SACM1L: variants seen among roughly 807,000 people sequenced by gnomAD.
The protein encoded by SACM1L is SAC1 like phosphatidylinositide phosphatase.
A neutral mutation model predicts 89.5 loss-of-function variants in SACM1L; 32 were observed. The observed-to-expected ratio is 0.36, with a 90% CI of 0.27 to 0.48. The LOEUF is 0.48. SACM1L is among the 20% of genes least tolerant of loss of function. The pLI is 0.99. For missense variants in SACM1L, 543 were observed against 708.5 expected (o/e 0.77, Z 2.65); for synonymous variants, 213 against 232.8 (o/e 0.92, Z 0.77).
At chr3:45,730,671 G>A (rs1699031795) in intron 11 of SACM1L, 3 of 152,248 alleles carry the variant, frequency 2.0e-5, no homozygotes, top group Non-Finnish European at 4.4e-5. Flanking sequence ...GCCTGGTTAT[G>A]TGGGTGGCCT....
intron 8 of SACM1L, among the ~76,000 whole-genome samples, chr3:45,721,789 T>C (rs939015292): frequency 2.0e-5 from 3 of 152,192 alleles, no homozygotes; most frequent in Non-Finnish European, 2.9e-5. Context: ...AATAGGTTTT[T>C]AATACTCCTC....
Position 45,743,982 on chromosome 3 carries a change from A to C in SACM1L, c.*313A>C, listed in dbSNP as rs895455943. The stretch of plus-strand genomic sequence containing the variant: ...GATTGTCAATTTAATTAGCTGTTGC[A>C]GAATAAGTAATATATTTTAAAAACC... On this transcript the variant is annotated 3_prime_UTR_variant, in exon 20 of 20. Transcript: ENST00000389061. 3.0e-5 allele frequency: 6 copies of C among 200,352 alleles called. No homozygotes were observed. The highest frequency in any genetic ancestry group is 3.9e-3 in the Middle Eastern group (2 of 514). 12.4% of individuals were successfully genotyped at this position (200,352 alleles called of 1,614,324 possible).
chr3:45,710,737 G>T (rs6800556), intron 5 of SACM1L, among the ~76,000 whole-genome samples: 72,634 of 151,754 alleles, frequency 0.48, 17,946 homozygotes, highest in Middle Eastern at 0.57. Context: ...AATAAAAATG[G>T]TTATTTCATG....
intron 5 of SACM1L, 84 bp from the exon 6 acceptor site, chr3:45,713,053 A>G: frequency 9.0e-7 from 1 of 1,112,374 alleles, no homozygotes; most frequent in South Asian, 1.4e-5. Context: ...GCCATCAGAA[A>G]GAGACATTGA....
chr3:45,697,338 G>A (rs1364499476), intron 1 of SACM1L, among the ~76,000 whole-genome samples: 1 of 141,848 alleles, frequency 7.0e-6, no homozygotes, highest in African/African-American at 2.6e-5. Context: ...GTGTAGTGGT[G>A]CGATCTTGGC....
rs900239778 is a variant in SACM1L at position 45,737,442 on chromosome 3, C to T, written c.1240-141C>T. ...AGGAGAGGGCTGCTGTGAGCTGGGG[C>T]CCCCTATAGACAACAGACATTTCTG... On this transcript the variant is annotated intron_variant, in intron 14 of 19. Transcript: ENST00000389061. 8 of 825,586 alleles carry T rather than the reference C, an allele frequency of 9.7e-6. No homozygotes were observed. In the Admixed American group the frequency reaches 1.7e-4, roughly 18 times the overall value. The allele number at this position is 825,586 out of a possible 1,614,324, so 51.1% of individuals were successfully genotyped here. A position where few individuals can be genotyped will look rare whatever the true frequency, so the allele number is the denominator to read the frequency against.
chr3:45,692,460 A>G (rs1465849847), intron 1 of SACM1L, among the ~76,000 whole-genome samples: 1 of 152,086 alleles, frequency 6.6e-6, no homozygotes, highest in African/African-American at 2.4e-5. Context: ...AGCATCTGGG[A>G]CTACAGGTGC....
chr3:45,721,505 A>C (rs1698786222), intron 8 of SACM1L, among the ~76,000 whole-genome samples: 1 of 152,254 alleles, frequency 6.6e-6, no homozygotes, highest in South Asian at 2.1e-4. Context: ...CTGGGCAACA[A>C]GAGCGAAACT....
intron 1 of SACM1L, among the ~76,000 whole-genome samples, chr3:45,693,384 C>A (rs1028480898): frequency 6.6e-6 from 1 of 152,180 alleles, no homozygotes; most frequent in African/African-American, 2.4e-5. Flanking sequence ...AAGGAACTTT[C>A]CAGTATAGAC....
chr3:45,702,614 A>C (rs1698300700), intron 1 of SACM1L, among the ~76,000 whole-genome samples: 1 of 152,210 alleles, frequency 6.6e-6, no homozygotes, highest in Non-Finnish European at 1.5e-5. Context: ...AGTGCCTGCA[A>C]ATGAAAACGC....
At chr3:45,699,284 A>T (rs13059986) in intron 1 of SACM1L, among the ~76,000 whole-genome samples, 14,125 of 151,252 alleles carry the variant, frequency 0.093, 817 homozygotes, top group East Asian at 0.14. Context: ...AAGTATAATT[A>T]AAATAAATAA....
At position 45,745,216 on chromosome 3, in the gene SACM1L, T is replaced by G; in HGVS notation, c.*1547T>G. The G allele has an allele frequency of 6.6e-6, 1 of 152,664 alleles. No individual in the cohort carries two copies. The highest frequency in any genetic ancestry group is 1.5e-5 in the Non-Finnish European group (1 of 68,040). The allele number at this position is 152,664 out of a possible 1,614,324, so 9.5% of individuals were successfully genotyped here. A position where few individuals can be genotyped will look rare whatever the true frequency, so the allele number is the denominator to read the frequency against. On this transcript the variant is annotated 3_prime_UTR_variant, in exon 20 of 20. Coordinates refer to ENST00000389061, the MANE Select transcript of SACM1L (RefSeq NM_014016.5). ...ATTTAAATGCTGCTGGGCATTTCACTTAAAGAACTTAATGTCAACAGCTAC... is the reference window on the plus strand; with the variant it reads ...ATTTAAATGCTGCTGGGCATTTCACGTAAAGAACTTAATGTCAACAGCTAC...
In SACM1L at chr3:45,702,256, T is replaced by C. The variant is rs367607631; in HGVS notation, c.33-1182T>C. 2.8e-4 allele frequency among the ~76,000 whole-genome samples: 42 copies of C among 152,318 alleles called. 5 individuals carry two copies. The highest frequency in any genetic ancestry group is 2.0e-3 in the Admixed American group (31 of 15,300). ...AAAAGTTTGTTTTGCTGCAGGACATTTTTCTATAATGCCAAATAGCTTATA... is the reference window on the plus strand; with the variant it reads ...AAAAGTTTGTTTTGCTGCAGGACATCTTTCTATAATGCCAAATAGCTTATA... On this transcript the variant is annotated intron_variant, in intron 1 of 19. Transcript: ENST00000389061.
At chr3:45,731,701 C>A (rs965385144) in intron 12 of SACM1L, among the ~76,000 whole-genome samples, 1 of 152,122 alleles carries the variant, frequency 6.6e-6, no homozygotes, top group South Asian at 2.1e-4. Flanking sequence ...GCAGTGCATA[C>A]CTGATTGCTG....
intron 5 of SACM1L, 138 bp downstream of exon 5, chr3:45,709,785 T>G: frequency 1.4e-6 from 1 of 720,092 alleles, no homozygotes. Flanking sequence ...AAATATACCC[T>G]GTTTTAAATA....
intron 13 of SACM1L, among the ~76,000 whole-genome samples, chr3:45,733,180 C>A (rs997832471): frequency 1.3e-5 from 2 of 152,120 alleles, no homozygotes; most frequent in African/African-American, 4.8e-5. Context: ...AGTTTGTGTT[C>A]GTTGCTGTTC....
chr3:45,705,720 T>A (rs1435040790), intron 3 of SACM1L, among the ~76,000 whole-genome samples: 1 of 152,072 alleles, frequency 6.6e-6, no homozygotes, highest in Non-Finnish European at 1.5e-5. Flanking sequence ...GTCAGGCTGG[T>A]CTTGAACTCC....
intron 12 of SACM1L, 123 bp downstream of exon 12, chr3:45,731,503 A>G: frequency 2.0e-6 from 1 of 512,430 alleles, no homozygotes. Context: ...AGTAGATCAA[A>G]GCATGATATT....
intron 7 of SACM1L, among the ~76,000 whole-genome samples, chr3:45,717,519 C>G (rs115736854): frequency 6.6e-6 from 1 of 152,166 alleles, no homozygotes; most frequent in South Asian, 2.1e-4. Context: ...TAAATAGATT[C>G]AGGGTTTTGG....
Sources: allele counts gnomAD v4.1 joint callset (sites outside exome capture counted in the v4.1 genomes callset), GRCh38; gene constraint gnomAD v4.1.1; transcripts MANE v1.5; gene names NCBI Gene and HGNC (gene_info 2026-07-23, HGNC 2026-07-21).